Variants in CNTNAP2 observed in about 807,000 individuals in gnomAD.
CNTNAP2 encodes the protein contactin associated protein 2.
In CNTNAP2, 98 loss-of-function variants were observed where a neutral mutation model predicts 155.2. That is an observed-to-expected ratio of 0.63 (90% confidence interval 0.54 to 0.75). CNTNAP2 has a LOEUF of 0.75. Among genes scored for constraint, CNTNAP2 ranks in the 30% least tolerant of loss-of-function variants. The pLI, the probability that CNTNAP2 is intolerant of heterozygous loss-of-function variation, is 0.00. For missense variants in CNTNAP2, 1,727 were observed against 1,688.1 expected, an observed-to-expected ratio of 1.02 and a Z score of -0.40; for synonymous variants, 651 against 631.2, an observed-to-expected ratio of 1.03 and a Z score of -0.47.
In CNTNAP2 at chr7:147,049,336, T is replaced by C. The variant is rs147823072; in HGVS notation, c.550+5282T>C. The stretch of plus-strand genomic sequence containing the variant: ...ATATACATGTTTACATTTTAAAATA[T>C]ATATATGTTAAACATATTTGTTACG... On this transcript the variant is annotated intron_variant, in intron 4 of 23. Transcript: ENST00000361727. Among the ~76,000 whole-genome samples the C allele has an allele frequency of 3.5e-3, 538 of 152,348 alleles. 8 individuals carry two copies. The highest frequency in any genetic ancestry group is 0.014 in the Middle Eastern group (4 of 294).
At chr7:147,871,579 C>A (rs552333828) in intron 13 of CNTNAP2, among the ~76,000 whole-genome samples, 2 of 152,210 alleles carry the variant, frequency 1.3e-5, no homozygotes, top group East Asian at 1.9e-4. Flanking sequence ...CCATTACAAC[C>A]GGCTTGGCAC....
At chr7:146,734,206 T>C (rs1217366336) in intron 1 of CNTNAP2, among the ~76,000 whole-genome samples, 1 of 152,124 alleles carries the variant, frequency 6.6e-6, no homozygotes, top group African/African-American at 2.4e-5. Flanking sequence ...GCTTAGTTTT[T>C]CCTATATTTG....
chr7:148,287,407 C>T (rs1001886794), intron 21 of CNTNAP2, among the ~76,000 whole-genome samples: 2 of 152,202 alleles, frequency 1.3e-5, no homozygotes, highest in African/African-American at 2.4e-5. Context: ...ATTGTATACA[C>T]CTCCCAGCTC....
chr7:146,407,121 GAC>G (rs945860158), intron 1 of CNTNAP2, among the ~76,000 whole-genome samples: 10 of 152,248 alleles, frequency 6.6e-5, no homozygotes, highest in Non-Finnish European at 1.5e-4. Context: ...AGCAACAGTA[GAC>G]ACAGAATAAA....
At chr7:146,177,466 A>G (rs1461167479) in intron 1 of CNTNAP2, among the ~76,000 whole-genome samples, 1 of 152,140 alleles carries the variant, frequency 6.6e-6, no homozygotes, top group Non-Finnish European at 1.5e-5. Context: ...AATGTGATGT[A>G]TTTTCTTCTG....
chr7:147,718,375 CTTAA>C (rs1796513495), intron 13 of CNTNAP2, among the ~76,000 whole-genome samples: 1 of 152,082 alleles, frequency 6.6e-6, no homozygotes, highest in South Asian at 2.1e-4. Context: ...TGATCAGTTT[CTTAA>C]TTAACTTGTG....
chr7:148,349,713 T>C (rs1798394707), intron 21 of CNTNAP2, among the ~76,000 whole-genome samples: 1 of 152,168 alleles, frequency 6.6e-6, no homozygotes, highest in African/African-American at 2.4e-5. Flanking sequence ...AATCTCATGA[T>C]GTTTTAAGAA....
chr7:146,930,079 A>G (rs1796713532), intron 3 of CNTNAP2, among the ~76,000 whole-genome samples: 1 of 152,132 alleles, frequency 6.6e-6, no homozygotes, highest in Admixed American at 6.6e-5. Flanking sequence ...GATTCAGGAA[A>G]TACAGAGAAC....
intron 1 of CNTNAP2, among the ~76,000 whole-genome samples, chr7:146,772,387 G>A (rs569115307): frequency 2.0e-5 from 3 of 151,816 alleles, no homozygotes; most frequent in South Asian, 2.1e-4. Flanking sequence ...GGCCAGGTGC[G>A]GTGGCTCACA....
At chr7:147,605,889 T>TTC (rs957774606) in intron 12 of CNTNAP2, among the ~76,000 whole-genome samples, 28 of 150,902 alleles carry the variant, frequency 1.9e-4, no homozygotes, top group African/African-American at 6.1e-4. Flanking sequence ...CCCTCTTCCC[T>TTC]TCTCTCTCTC....
intron 2 of CNTNAP2, among the ~76,000 whole-genome samples, chr7:146,817,871 A>C (rs114711319): frequency 1.3e-5 from 2 of 152,182 alleles, no homozygotes; most frequent in African/African-American, 2.4e-5. Flanking sequence ...GATTAAAACC[A>C]TATCAAATAC....
chr7:147,359,885 C>T (rs1796118657), intron 9 of CNTNAP2, among the ~76,000 whole-genome samples: 1 of 152,102 alleles, frequency 6.6e-6, no homozygotes, highest in Non-Finnish European at 1.5e-5. Flanking sequence ...TCTTACCTCT[C>T]CTAATATGAT....
intron 11 of CNTNAP2, among the ~76,000 whole-genome samples, chr7:147,487,445 C>T (rs1395754626): frequency 6.6e-6 from 1 of 152,152 alleles, no homozygotes; most frequent in African/African-American, 2.4e-5. Context: ...TTAAATATAA[C>T]GTGATGCTAG....
intron 13 of CNTNAP2, among the ~76,000 whole-genome samples, chr7:147,893,971 T>C (rs926993468): frequency 1.3e-5 from 2 of 152,176 alleles, no homozygotes; most frequent in Non-Finnish European, 2.9e-5. Flanking sequence ...ACATCCATAC[T>C]GGGGAAAACA....
intron 13 of CNTNAP2, among the ~76,000 whole-genome samples, chr7:147,759,733 T>C (rs1797270323): frequency 6.6e-6 from 1 of 152,210 alleles, no homozygotes; most frequent in Non-Finnish European, 1.5e-5. Flanking sequence ...GTGATGCATG[T>C]AGGCCATCGT....
chr7:146,366,562 G>C (rs550388471), intron 1 of CNTNAP2, among the ~76,000 whole-genome samples: 1 of 152,084 alleles, frequency 6.6e-6, no homozygotes, highest in East Asian at 1.9e-4. Flanking sequence ...TTTGAAATCA[G>C]ATGATGGGCC....
At chr7:147,049,497 CT>C (rs1225051989) in intron 4 of CNTNAP2, among the ~76,000 whole-genome samples, 5 of 151,300 alleles carry the variant, frequency 3.3e-5, no homozygotes, top group Admixed American at 1.3e-4. Flanking sequence ...CAAGAGCTTT[CT>C]TTGGATTTTT....
At chr7:147,204,753 G>T (rs1802986285) in intron 8 of CNTNAP2, among the ~76,000 whole-genome samples, 1 of 152,038 alleles carries the variant, frequency 6.6e-6, no homozygotes, top group Admixed American at 6.6e-5. Context: ...ACTGGGTGCA[G>T]AGTATATGTA....
chr7:147,480,934 T>C (rs1798411419), intron 10 of CNTNAP2, among the ~76,000 whole-genome samples: 1 of 152,202 alleles, frequency 6.6e-6, no homozygotes, highest in South Asian at 2.1e-4. Flanking sequence ...GAGATTCCTA[T>C]GCACACAAAG....
Sources: allele counts gnomAD v4.1 joint callset (sites outside exome capture counted in the v4.1 genomes callset), GRCh38; gene constraint gnomAD v4.1.1; transcripts MANE v1.5; gene names NCBI Gene and HGNC (gene_info 2026-07-23, HGNC 2026-07-21).